RSF1: variants seen among roughly 807,000 people sequenced by gnomAD.
RSF1 encodes HBV pX-associated protein 8.
In RSF1, 13 loss-of-function variants were observed where a neutral mutation model predicts 145.2. The observed-to-expected ratio is 0.09, with a 90% confidence interval of 0.06 to 0.14. The LOEUF is 0.14. RSF1 is among the 10% of genes least tolerant of loss of function. RSF1 has a pLI of 1.00. For synonymous variants in RSF1, 577 were observed against 592.6 expected (o/e 0.97, Z 0.38); for missense variants, 1,517 against 1,718.2 (o/e 0.88, Z 2.07).
intron 15 of RSF1, among the ~76,000 whole-genome samples, chr11:77,670,674 A>G (rs192604232): frequency 7.8e-4 from 119 of 152,298 alleles, no homozygotes; most frequent in African/African-American, 2.7e-3. Context: ...GTGACACATG[A>G]AGGTAAGTAC....
At chr11:77,754,520 T>C (rs1053324047) in intron 2 of RSF1, among the ~76,000 whole-genome samples, 6 of 151,940 alleles carry the variant, frequency 3.9e-5, no homozygotes, top group Admixed American at 1.3e-4. Flanking sequence ...GGCAGGAGGA[T>C]TGCTTGAGCC....
chr11:77,683,584 G>C (rs1959924081), intron 11 of RSF1, 126 bp downstream of exon 11: 1 of 548,798 alleles, frequency 1.8e-6, no homozygotes, highest in Non-Finnish European at 3.1e-6. Context: ...ACTAAAGATG[G>C]AAGGCAAGAA....
intron 14 of RSF1, among the ~76,000 whole-genome samples, chr11:77,674,385 T>C (rs1959636401): frequency 6.6e-6 from 1 of 152,208 alleles, no homozygotes. Flanking sequence ...CAACTACTGT[T>C]AATCTGTAAA....
intron 12 of RSF1, 32 bp from the exon 13 acceptor site, chr11:77,677,031 A>G (rs745996287): frequency 2.0e-6 from 3 of 1,524,652 alleles, no homozygotes; most frequent in Non-Finnish European, 2.7e-6. Flanking sequence ...TCGGGGAGAG[A>G]AAAATATGTG....
chr11:77,748,999 T>C (rs1948032174), intron 2 of RSF1, among the ~76,000 whole-genome samples: 1 of 152,120 alleles, frequency 6.6e-6, no homozygotes, highest in Non-Finnish European at 1.5e-5. Context: ...GAGGTAATAA[T>C]ATACTATAGC....
In RSF1 at chr11:77,666,315, CTCT is replaced by C. The variant is rs1959361808; in HGVS notation, c.*599_*601del. 1 of 152,526 alleles carries C rather than the reference CTCT, an allele frequency of 6.6e-6. No individual in the cohort carries two copies. The highest frequency in any genetic ancestry group is 1.5e-5 in the Non-Finnish European group (1 of 68,008). 9.4% of individuals were successfully genotyped at this position (152,526 alleles called of 1,614,324 possible). On this transcript the variant is annotated 3_prime_UTR_variant, in exon 16 of 16. Coordinates refer to ENST00000308488, the MANE Select transcript of RSF1 (RefSeq NM_016578.4). ...TTAATTATGATGGTACTTTCACTGT[CTCT>C]TCTTTATTAAGTGTGGTTATCTCCA...
intron 1 of RSF1, among the ~76,000 whole-genome samples, chr11:77,793,798 C>T (rs1230941543): frequency 6.6e-6 from 1 of 152,108 alleles, no homozygotes; most frequent in Non-Finnish European, 1.5e-5. Context: ...AGACAACCAT[C>T]CCCAATAGAG....
At chr11:77,810,909 T>C (rs927524760) in intron 1 of RSF1, among the ~76,000 whole-genome samples, 8 of 152,204 alleles carry the variant, frequency 5.3e-5, no homozygotes, top group Non-Finnish European at 1.2e-4. Flanking sequence ...AATAAGTTCT[T>C]CAGGTTTTGG....
chr11:77,756,696 G>T (rs1657763198), intron 2 of RSF1, among the ~76,000 whole-genome samples: 1 of 152,210 alleles, frequency 6.6e-6, no homozygotes, highest in African/African-American at 2.4e-5. Flanking sequence ...CCCTTAGATT[G>T]AAAGTAATGT....
In RSF1 at chr11:77,734,585, C is replaced by A. The variant is rs144736478; in HGVS notation, c.578+6146G>T. The A allele has an allele frequency of 2.0e-4, 303 of 1,534,234 alleles. 1 individual carries two copies. In the African/African-American group the frequency reaches 3.8e-3, roughly 19 times the overall value. On this transcript the variant is annotated intron_variant, in intron 4 of 15. Coordinates refer to ENST00000308488, the MANE Select transcript of RSF1 (RefSeq NM_016578.4). ...AAGTTGGTCACATGGTCATCCAATT[C>A]TTTGATGGCTTTCACCTGCTCATTC...
At chr11:77,693,818 T>C (rs938300429) in intron 7 of RSF1, among the ~76,000 whole-genome samples, 15 of 147,890 alleles carry the variant, frequency 1.0e-4, no homozygotes, top group Non-Finnish European at 2.0e-4. Flanking sequence ...AGAGTCTCGC[T>C]CTGTTGCCCA....
In RSF1 at chr11:77,664,951, C is replaced by T. The variant is rs535240356; in HGVS notation, c.*1966G>A. ...TTGGAACCACATGCTATTGGTGCATCCTATTTTTAGGTTGCTTTCATTATT... is the reference window on the plus strand; with the variant it reads ...TTGGAACCACATGCTATTGGTGCATTCTATTTTTAGGTTGCTTTCATTATT... On this transcript the variant is annotated 3_prime_UTR_variant, in exon 16 of 16. Transcript: ENST00000308488. The T allele has an allele frequency of 6.6e-6, 1 of 152,284 alleles. No individual in the cohort carries two copies. Among genetic ancestry groups the T allele is most frequent in the African/African-American group, 2.4e-5 (1 of 41,564 alleles). The allele number at this position is 152,284 out of a possible 1,614,324, so 9.4% of individuals were successfully genotyped here. A position where few individuals can be genotyped will look rare whatever the true frequency, so the allele number is the denominator to read the frequency against.
intron 1 of RSF1, 76 bp from the exon 2 acceptor site, chr11:77,764,765 A>C (rs1948209270): frequency 2.1e-6 from 2 of 934,218 alleles, no homozygotes. Context: ...TAAAAAAATA[A>C]TCTTCTCCAA....
chr11:77,724,776 ATTT>A lies in RSF1; in HGVS notation c.733+766_733+768del, dbSNP rs1961013990. On this transcript the variant is annotated intron_variant, in intron 5 of 15. Coordinates refer to ENST00000308488, the MANE Select transcript of RSF1 (RefSeq NM_016578.4). ...CAATAGGGTTTGTGCTCCCATGAGA[ATTT>A]AACACCGCCATTGATCTGACAGGAG... 2.6e-5 allele frequency among the ~76,000 whole-genome samples: 4 copies of A among 152,074 alleles called. No individual in the cohort carries two copies. In the South Asian group the frequency reaches 8.3e-4, roughly 32 times the overall value.
chr11:77,826,343 C>CA, the RSF1 span, among the ~76,000 whole-genome samples: 1 of 150,674 alleles, frequency 6.6e-6, no homozygotes, highest in South Asian at 2.1e-4. Context: ...GCCTGGGTGA[C>CA]AGAGTGAGAC....
chr11:77,679,709 A>T (rs1016377134), intron 11 of RSF1, among the ~76,000 whole-genome samples: 4 of 151,818 alleles, frequency 2.6e-5, no homozygotes, highest in Non-Finnish European at 1.5e-5. Flanking sequence ...AGTCCCAATA[A>T]TAGGGCTATA....
intron 9 of RSF1, among the ~76,000 whole-genome samples, chr11:77,685,969 G>A (rs1959993248): frequency 6.6e-6 from 1 of 152,174 alleles, no homozygotes; most frequent in African/African-American, 2.4e-5. Flanking sequence ...GCTGTTGAAA[G>A]AGAAAAAAGC....
intron 1 of RSF1, among the ~76,000 whole-genome samples, chr11:77,820,235 G>A (rs113680047): frequency 6.6e-6 from 1 of 151,956 alleles, no homozygotes; most frequent in Non-Finnish European, 1.5e-5. Flanking sequence ...GCAGTCCCCG[G>A]GGCTGCCGAC....
At chr11:77,813,753 G>T in intron 1 of RSF1, 1 of 299,574 alleles carries the variant, frequency 3.3e-6, no homozygotes, top group South Asian at 3.5e-5. Context: ...GGAGCCTGCG[G>T]ATCACAGAGC....
Sources: allele counts gnomAD v4.1 joint callset (sites outside exome capture counted in the v4.1 genomes callset), GRCh38; gene constraint gnomAD v4.1.1; transcripts MANE v1.5; gene names NCBI Gene and HGNC (gene_info 2026-07-23, HGNC 2026-07-21).